PNCK: variants seen among roughly 807,000 people sequenced by gnomAD.
The protein encoded by PNCK is pregnancy up-regulated nonubiquitous CaM kinase.
Under a neutral mutation model 28.3 loss-of-function variants are expected in PNCK, and 21 were observed. The observed-to-expected ratio is 0.74, with a 90% CI of 0.53 to 1.07. The LOEUF (loss-of-function observed/expected upper bound fraction) is 1.07. PNCK is among the 50% of genes least tolerant of loss of function. PNCK has a pLI of 0.00. For missense variants in PNCK, 250 were observed against 298.3 expected (o/e 0.84, Z 1.19); for synonymous variants, 136 against 125.2 (o/e 1.09, Z -0.58).
At chrX:153,683,006 C>T (rs1359306013) in intron 1 of PNCK, among the ~76,000 whole-genome samples, 1 of 112,609 alleles carries the variant, frequency 8.9e-6, no homozygotes, top group African/African-American at 3.2e-5. Context: ...CCACCTGGTC[C>T]TCCCAAAGTG....
Position 153,672,226 on chromosome X carries a change from G to A in PNCK, c.201-26C>T, listed in dbSNP as rs782572072. On this transcript the variant is annotated intron_variant, in intron 3 of 11. Coordinates refer to ENST00000340888, the MANE Select transcript of PNCK (RefSeq NM_001366977.1). Reference sequence around the variant, plus strand: ...CTGCAATGGCAAGGAAGCGCCTGTGGGCCAACAGAGTCAAGGGGTGCTCTG... The same window carrying A: ...CTGCAATGGCAAGGAAGCGCCTGTGAGCCAACAGAGTCAAGGGGTGCTCTG... 6.8e-6 allele frequency: 8 copies of A among 1,180,900 alleles called. No individual in the cohort carries two copies. The Admixed American group carries it at 1.8e-4, about 27-fold the overall frequency.
intron 1 of PNCK, among the ~76,000 whole-genome samples, chrX:153,681,771 G>A (rs1557042512): frequency 3.6e-5 from 4 of 112,190 alleles, no homozygotes; most frequent in South Asian, 7.4e-4. Context: ...AACATAAGAG[G>A]CTAATAAGGC....
chrX:153,671,417 A>G (rs1557039781), intron 6 of PNCK, 57 bp from the exon 7 acceptor site: 1 of 1,211,938 alleles, frequency 8.3e-7, no homozygotes, highest in Admixed American at 2.2e-5. Flanking sequence ...CATGCCGCTC[A>G]GTGTCACTGG....
At chrX:153,677,571 G>GTA (rs1557041780), upstream of PNCK, among the ~76,000 whole-genome samples, 1 of 100,597 alleles carries the variant, frequency 9.9e-6, no homozygotes, top group African/African-American at 3.8e-5. Context: ...TGTATATATA[G>GTA]TGTGTATATA....
At chrX:153,672,460 C>T (rs2091315223) in intron 3 of PNCK, 106 bp downstream of exon 3, 1 of 1,070,765 alleles carries the variant, frequency 9.3e-7, no homozygotes, top group South Asian at 2.1e-5. Flanking sequence ...GAGAGCACTG[C>T]CCCAGGCCTC....
intron 1 of PNCK, among the ~76,000 whole-genome samples, chrX:153,683,536 C>T (rs782354972): frequency 9.0e-5 from 10 of 110,498 alleles, no homozygotes; most frequent in Non-Finnish European, 1.9e-4. Flanking sequence ...CTCCACCTCC[C>T]GGGTTCAAGC....
upstream of PNCK, among the ~76,000 whole-genome samples, chrX:153,677,463 G>C (rs913631197): frequency 9.2e-5 from 10 of 108,956 alleles, no homozygotes; most frequent in African/African-American, 3.0e-4. Flanking sequence ...ATTGTTCCTG[G>C]AGTATTGCTG....
chrX:153,679,728 T>C (rs1407171010), upstream of PNCK, among the ~76,000 whole-genome samples: 2 of 108,323 alleles, frequency 1.8e-5, no homozygotes, highest in African/African-American at 6.7e-5. Context: ...CCCGTCACCA[T>C]GCCCAGCTAA....
chrX:153,682,370 T>C (rs938686268), intron 1 of PNCK, among the ~76,000 whole-genome samples: 3 of 111,847 alleles, frequency 2.7e-5, no homozygotes, highest in Non-Finnish European at 3.8e-5. Flanking sequence ...ACCCTTGACC[T>C]CTTGAGCTCA....
chrX:153,687,527 C>T (rs1449911352), exon 1 of PNCK: 3 of 326,029 alleles, frequency 9.2e-6, no homozygotes, highest in South Asian at 7.9e-5. Context: ...GGAGGGAGCA[C>T]CGGGAGGAGA....
chrX:153,678,187 T>G (rs1048892558), upstream of PNCK, among the ~76,000 whole-genome samples: 2 of 110,240 alleles, frequency 1.8e-5, no homozygotes, highest in East Asian at 5.7e-4. Context: ...GCACGGTGGC[T>G]CATGCCTGTA....
upstream of PNCK, chrX:153,674,799 G>A (rs782480472): frequency 1.8e-5 from 2 of 112,486 alleles, no homozygotes; most frequent in East Asian, 5.6e-4. Context: ...ATGAGGTTGT[G>A]GCCAGCATCA....
upstream of PNCK, chrX:153,674,092 A>C: frequency 1.7e-6 from 2 of 1,210,258 alleles, no homozygotes; most frequent in Admixed American, 2.2e-5. Flanking sequence ...ACAGGTCGGC[A>C]AGGCTCTCTG....
At chrX:153,677,043 G>A (rs1447671087), upstream of PNCK, among the ~76,000 whole-genome samples, 2 of 111,137 alleles carry the variant, frequency 1.8e-5, no homozygotes, top group African/African-American at 3.3e-5. Flanking sequence ...GGGCTCAAGC[G>A]ATTCTCCCAC....
intron 1 of PNCK, among the ~76,000 whole-genome samples, chrX:153,680,576 C>T (rs782091286): frequency 1.0e-4 from 11 of 110,159 alleles, no homozygotes; most frequent in Admixed American, 9.8e-4. Flanking sequence ...AATGCAAGAA[C>T]GGGCTCACAT....
chrX:153,681,191 A>C (rs1469453113), intron 1 of PNCK, among the ~76,000 whole-genome samples: 1 of 112,244 alleles, frequency 8.9e-6, no homozygotes, highest in South Asian at 3.6e-4. Context: ...TAAATAAATG[A>C]TTACATAAAT....
chrX:153,687,224 T>C (rs182850278), intron 1 of PNCK: 5,435 of 236,764 alleles, frequency 0.023, 258 homozygotes, highest in African/African-American at 0.15. Flanking sequence ...TCTGTGCACC[T>C]GCCAGGCACC....
At chrX:153,682,853 T>C (rs1415723530) in intron 1 of PNCK, among the ~76,000 whole-genome samples, 1 of 112,380 alleles carries the variant, frequency 8.9e-6, no homozygotes, top group African/African-American at 3.2e-5. Flanking sequence ...CCAAAACCTA[T>C]AAGAACTAAT....
At chrX:153,678,067 G>A (rs2091378787), upstream of PNCK, among the ~76,000 whole-genome samples, 1 of 108,904 alleles carries the variant, frequency 9.2e-6, no homozygotes, top group Admixed American at 1.0e-4. Context: ...AACTCAACAG[G>A]AGTGCACACT....
Sources: gnomAD v4.1 joint callset for allele counts (sites outside exome capture counted in the v4.1 genomes callset) on GRCh38, gnomAD v4.1.1 for gene constraint, MANE v1.5 for transcripts, NCBI Gene and HGNC (gene_info 2026-07-23, HGNC 2026-07-21) for gene names.